The following MLLT3 variants were observed in gnomAD, a reference collection of about 807,000 sequenced individuals.
The protein encoded by MLLT3 is protein AF-9.
Under a neutral mutation model 53.2 loss-of-function variants are expected in MLLT3, and 4 were observed. The observed-to-expected ratio is 0.08, with a 90% CI of 0.04 to 0.17. The LOEUF is 0.17. MLLT3 is among the 10% of genes least tolerant of loss of function. MLLT3 has a pLI of 1.00. For synonymous variants in MLLT3, 283 were observed against 230.6 expected, an observed-to-expected ratio of 1.23 and a Z score of -2.06; for missense variants, 569 against 684.0, an observed-to-expected ratio of 0.83 and a Z score of 1.87.
chr9:20,423,315 G>A (rs978180414), intron 4 of MLLT3, among the ~76,000 whole-genome samples: 1 of 152,198 alleles, frequency 6.6e-6, no homozygotes, highest in Non-Finnish European at 1.5e-5. Context: ...TAGAATGGGG[G>A]AGAGGCTCAA....
intron 2 of MLLT3, among the ~76,000 whole-genome samples, chr9:20,491,633 G>C (rs961446647): frequency 3.3e-5 from 5 of 152,146 alleles, no homozygotes; most frequent in African/African-American, 4.8e-5. Flanking sequence ...TCTGTTAAGA[G>C]AGACTCAGTC....
chr9:20,622,032 A>C (rs1821031086), intron 1 of MLLT3: 1 of 684,570 alleles, frequency 1.5e-6, no homozygotes, highest in African/African-American at 2.6e-5. Context: ...AGCGTGTGTG[A>C]GTGTGTGTGT....
chr9:20,614,709 T>A (rs1033120527), intron 2 of MLLT3, among the ~76,000 whole-genome samples: 1 of 152,126 alleles, frequency 6.6e-6, no homozygotes, highest in Non-Finnish European at 1.5e-5. Flanking sequence ...ACCACAAAAT[T>A]GTGCCATGTA....
chr9:20,512,181 G>A (rs1470118751), intron 2 of MLLT3, among the ~76,000 whole-genome samples: 1 of 152,152 alleles, frequency 6.6e-6, no homozygotes, highest in Non-Finnish European at 1.5e-5. Flanking sequence ...GGCTGCAATG[G>A]TGCTGTTTTA....
At chr9:20,570,763 A>G (rs1420164332) in intron 2 of MLLT3, among the ~76,000 whole-genome samples, 1 of 144,756 alleles carries the variant, frequency 6.9e-6, no homozygotes, top group Non-Finnish European at 1.5e-5. Context: ...TCTTCTTTAA[A>G]AAGCAACCCA....
At chr9:20,502,786 G>C (rs1261456531) in intron 2 of MLLT3, among the ~76,000 whole-genome samples, 1 of 152,124 alleles carries the variant, frequency 6.6e-6, no homozygotes, top group East Asian at 1.9e-4. Context: ...AATGACTGTA[G>C]ACAAACAACC....
chr9:20,608,794 CATA>C (rs953976574), intron 2 of MLLT3, among the ~76,000 whole-genome samples: 2 of 151,930 alleles, frequency 1.3e-5, no homozygotes, highest in Non-Finnish European at 2.9e-5. Context: ...TTTACTTTCA[CATA>C]ATATGAGTCA....
chr9:20,622,361 C>A lies in MLLT3; in HGVS notation c.-105G>T. 1.8e-6 allele frequency: 2 copies of A among 1,094,798 alleles called. No homozygotes were observed. Among genetic ancestry groups the A allele is most frequent in the Non-Finnish European group, 2.6e-6 (2 of 783,414 alleles). The allele number at this position is 1,094,798 out of a possible 1,614,324, so 67.8% of individuals were successfully genotyped here. On this transcript the variant is annotated 5_prime_UTR_variant, in exon 1 of 11. Coordinates refer to ENST00000380338, the MANE Select transcript of MLLT3 (RefSeq NM_004529.4). Reference sequence around the variant, plus strand: ...GAGGCTGCTATGAATGAGAGCGCGCCCAGGAGCGGAGGGTAGATGGCGGAC... The same window carrying A: ...GAGGCTGCTATGAATGAGAGCGCGCACAGGAGCGGAGGGTAGATGGCGGAC...
intron 2 of MLLT3, among the ~76,000 whole-genome samples, chr9:20,546,592 G>C (rs1818794921): frequency 6.6e-6 from 1 of 152,018 alleles, no homozygotes; most frequent in Non-Finnish European, 1.5e-5. Flanking sequence ...ACCTGTGTAT[G>C]GTAGACACAC....
chr9:20,402,536 C>A (rs1822481379), intron 5 of MLLT3, among the ~76,000 whole-genome samples: 1 of 152,130 alleles, frequency 6.6e-6, no homozygotes, highest in Admixed American at 6.5e-5. Flanking sequence ...AGCAGTTTGT[C>A]CAAGTAAAGG....
chr9:20,511,378 A>G (rs2118961345), intron 2 of MLLT3, among the ~76,000 whole-genome samples: 1 of 152,364 alleles, frequency 6.6e-6, no homozygotes, highest in African/African-American at 2.4e-5. Context: ...TGCAATTGCA[A>G]TACCTTTTCT....
At chr9:20,518,405 T>G (rs1445322595) in intron 2 of MLLT3, among the ~76,000 whole-genome samples, 1 of 151,974 alleles carries the variant, frequency 6.6e-6, no homozygotes, top group African/African-American at 2.4e-5. Flanking sequence ...AAATTATAAT[T>G]AACAAATGCA....
chr9:20,350,546 G>T (rs1300098829), intron 10 of MLLT3, among the ~76,000 whole-genome samples: 2 of 140,474 alleles, frequency 1.4e-5, no homozygotes, highest in Non-Finnish European at 3.0e-5. Context: ...AGTGAGCCGA[G>T]ATCCCGCCAC....
At chr9:20,458,848 G>T (rs1372519471) in intron 2 of MLLT3, among the ~76,000 whole-genome samples, 1 of 152,204 alleles carries the variant, frequency 6.6e-6, no homozygotes. Context: ...TGGCGCATAA[G>T]TTCTCAGTAA....
rs775819792 is a variant in MLLT3, at chr9:20,360,796, A to G, written c.1377T>C (p.Ser459=). ...GTGGAGGTTCGTGATGTAGGGGTGA[A>G]GAAGCAGAACTGCTTTCACTATCGC... The part of the protein sequence containing the change: ...DGSDSESSSA[S]SPLHHEPPPP... Residue 459 remains serine (S), a synonymous_variant, in exon 8 of 11, where the codon TCT becomes TCC. Coordinates refer to ENST00000380338, the MANE Select transcript of MLLT3 (RefSeq NM_004529.4). The G allele has an allele frequency of 1.9e-6, 3 of 1,613,996 alleles. No homozygotes were observed. Among genetic ancestry groups the G allele is most frequent in the South Asian group, 1.1e-5 (1 of 91,082 alleles).
At chr9:20,500,459 A>C (rs1279550122) in intron 2 of MLLT3, among the ~76,000 whole-genome samples, 1 of 152,226 alleles carries the variant, frequency 6.6e-6, no homozygotes, top group East Asian at 1.9e-4. Flanking sequence ...CCTAGCTTCA[A>C]AAAGAAAAGA....
intron 2 of MLLT3, among the ~76,000 whole-genome samples, chr9:20,568,336 A>C (rs1358902351): frequency 2.0e-5 from 3 of 152,144 alleles, no homozygotes; most frequent in Non-Finnish European, 4.4e-5. Flanking sequence ...AATATTTTTA[A>C]ATTTCCATAA....
intron 2 of MLLT3, among the ~76,000 whole-genome samples, chr9:20,507,147 C>G (rs1825402871): frequency 6.6e-6 from 1 of 152,176 alleles, no homozygotes; most frequent in Non-Finnish European, 1.5e-5. Flanking sequence ...TTTCTTAAAA[C>G]ATCACTTTAG....
chr9:20,600,080 A>G (rs1171567148), intron 2 of MLLT3, among the ~76,000 whole-genome samples: 1 of 151,600 alleles, frequency 6.6e-6, no homozygotes, highest in African/African-American at 2.4e-5. Flanking sequence ...TTTTAAATCC[A>G]CACTGATTCT....
Sources: gnomAD v4.1 joint callset for allele counts (sites outside exome capture counted in the v4.1 genomes callset) on GRCh38, gnomAD v4.1.1 for gene constraint, MANE v1.5 for transcripts, NCBI Gene and HGNC (gene_info 2026-07-23, HGNC 2026-07-21) for gene names.